Variants in PCDHA6 observed in about 807,000 individuals in gnomAD.
PCDHA6 encodes the protein protocadherin alpha 6, also known as protocadherin alpha-6.
A neutral mutation model predicts 60.3 loss-of-function variants in PCDHA6; 55 were observed. The ratio of observed to expected loss-of-function variants is 0.91; its 90% CI spans 0.73 to 1.14. The LOEUF (loss-of-function observed/expected upper bound fraction) is 1.14, where lower values mean the gene tolerates loss of function less well. Ranked by LOEUF, PCDHA6 falls within the 50% of genes most tolerant of loss-of-function variation. The probability of loss-of-function intolerance (pLI) is 0.00; values close to 1 mark genes in which losing one functional copy is unlikely to be tolerated. For missense variants in PCDHA6, 1,327 were observed against 1,256.5 expected (o/e 1.06, Z -0.85); for synonymous variants, 652 against 557.9 (o/e 1.17, Z -2.38).
intron 1 of PCDHA6, among the ~76,000 whole-genome samples, chr5:140,894,577 T>A (rs1409232453): frequency 4.6e-5 from 7 of 152,030 alleles, no homozygotes; most frequent in African/African-American, 9.6e-5. Flanking sequence ...TCCTTTTTTT[T>A]AATATTTTAC....
chr5:140,999,885 G>A (rs1250861955), intron 3 of PCDHA6, among the ~76,000 whole-genome samples: 1 of 152,200 alleles, frequency 6.6e-6, no homozygotes, highest in Non-Finnish European at 1.5e-5. Context: ...TAGCCCAGCT[G>A]TAGCTTGGGA....
chr5:140,892,310 A>T (rs1346325979), intron 1 of PCDHA6, among the ~76,000 whole-genome samples: 1 of 152,230 alleles, frequency 6.6e-6, no homozygotes, highest in African/African-American at 2.4e-5. Flanking sequence ...TTTGGGGCTT[A>T]TAACATTTTC....
At chr5:140,987,949 A>G (rs1251112253) in intron 3 of PCDHA6, among the ~76,000 whole-genome samples, 1 of 152,162 alleles carries the variant, frequency 6.6e-6, no homozygotes, top group Non-Finnish European at 1.5e-5. Context: ...CTGTCTGACA[A>G]AACCAACTCC....
intron 3 of PCDHA6, among the ~76,000 whole-genome samples, chr5:140,985,001 G>A (rs1554246727): frequency 1.3e-5 from 2 of 151,944 alleles, no homozygotes; most frequent in South Asian, 2.1e-4. Flanking sequence ...CCAGTGGCAC[G>A]ATATCGGCTC....
chr5:140,893,040 C>A (rs1554185508), intron 1 of PCDHA6, among the ~76,000 whole-genome samples: 1 of 152,226 alleles, frequency 6.6e-6, no homozygotes, highest in African/African-American at 2.4e-5. Flanking sequence ...AACATATGCC[C>A]TCCAGGCTCA....
chr5:141,002,261 C>A (rs373363788), intron 3 of PCDHA6, among the ~76,000 whole-genome samples: 1 of 152,224 alleles, frequency 6.6e-6, no homozygotes, highest in East Asian at 1.9e-4. Context: ...CACTGAAATC[C>A]CAGAGCTGGT....
Position 140,883,404 on chromosome 5 carries a change from C to G in PCDHA6, c.2394+52919C>G, listed in dbSNP as rs199942713. On this transcript the variant is annotated intron_variant, in intron 1 of 3. Transcript: ENST00000529310. ...CTAATCAGTGTGTCCGATCGTGACT[C>G]TGGCTCAAATGGACAGGTCACCTGC... 3 of 1,614,104 alleles carry G rather than the reference C, an allele frequency of 1.9e-6. No homozygotes were observed. The African/African-American group carries it at 4.0e-5, about 22-fold the overall frequency.
rs2150474836 is a variant in PCDHA6 at position 140,850,234 on chromosome 5, T to C, written c.2394+19749T>C. ...GGCACTGACGGCGCAGTGAGCGAGA[T>C]GGTGCTGCGGTCGGTGGGCGCCGGC... On this transcript the variant is annotated intron_variant, in intron 1 of 3. Transcript: ENST00000529310. The C allele has an allele frequency of 3.1e-6, 5 of 1,593,808 alleles. 1 individual carries two copies. The highest frequency in any genetic ancestry group is 4.3e-6 in the Non-Finnish European group (5 of 1,167,454).
chr5:140,979,147 C>A (rs2096836802), intron 2 of PCDHA6, 140 bp downstream of exon 2: 2 of 1,442,248 alleles, frequency 1.4e-6, no homozygotes, highest in African/African-American at 2.9e-5. Flanking sequence ...ATTATTTTGT[C>A]CCCATGTTTA....
chr5:140,909,545 C>T (rs2074570694), intron 1 of PCDHA6, among the ~76,000 whole-genome samples: 2 of 152,142 alleles, frequency 1.3e-5, no homozygotes, highest in African/African-American at 4.8e-5. Context: ...TTGATGGTGG[C>T]ACTAATCTCT....
chr5:140,896,188 G>C (rs1554186861), intron 1 of PCDHA6, among the ~76,000 whole-genome samples: 1 of 152,132 alleles, frequency 6.6e-6, no homozygotes, highest in Non-Finnish European at 1.5e-5. Context: ...ATTGTGAATA[G>C]TGCCATGATG....
intron 1 of PCDHA6, chr5:140,858,024 C>G: frequency 6.3e-7 from 1 of 1,596,700 alleles, no homozygotes; most frequent in Non-Finnish European, 8.6e-7. Context: ...CCGTCGCTGA[C>G]GGCCACGGCC....
At chr5:140,885,685 A>G (rs2060694021) in intron 1 of PCDHA6, among the ~76,000 whole-genome samples, 1 of 152,198 alleles carries the variant, frequency 6.6e-6, no homozygotes, top group African/African-American at 2.4e-5. Flanking sequence ...TATCTCAAGA[A>G]GCAATAGTGG....
intron 1 of PCDHA6, chr5:140,884,185 G>T (rs1554181312): frequency 6.2e-7 from 1 of 1,613,444 alleles, no homozygotes. Context: ...CTCTGGACGA[G>T]GTGGACGCGC....
At chr5:141,007,980 A>G (rs533342900) in intron 3 of PCDHA6, among the ~76,000 whole-genome samples, 1 of 152,338 alleles carries the variant, frequency 6.6e-6, no homozygotes, top group East Asian at 1.9e-4. Context: ...TGTCATGTAT[A>G]TATGAAATGT....
In PCDHA6 at chr5:140,968,377, T is replaced by C. The variant is rs1461765123; in HGVS notation, c.2395-10572T>C. 2.5e-6 allele frequency: 4 copies of C among 1,613,962 alleles called. No individual in the cohort carries two copies. In the African/African-American group the frequency reaches 4.0e-5, roughly 16 times the overall value. ...GCAGCCTTTATGCTGTCAACTCCTT[T>C]GACTATGAGAAGTTTCGGGAGTTCT... On this transcript the variant is annotated intron_variant, in intron 1 of 3. Transcript: ENST00000529310.
rs782552456 is a variant in PCDHA6, at chr5:140,870,511, G to T, written c.2394+40026G>T. On this transcript the variant is annotated intron_variant, in intron 1 of 3. Transcript: ENST00000529310. ...GTTCGTGAAGGAGAACAACCCACCA[G>T]GCTGCCACATCTTCACAGTGTCGGC... 9.9e-6 allele frequency: 16 copies of T among 1,614,242 alleles called. No homozygotes were observed. The highest frequency in any genetic ancestry group is 1.3e-5 in the Non-Finnish European group (15 of 1,180,048).
At chr5:140,958,547 A>C (rs528303266) in intron 1 of PCDHA6, among the ~76,000 whole-genome samples, 3 of 152,308 alleles carry the variant, frequency 2.0e-5, no homozygotes, top group East Asian at 3.9e-4. Flanking sequence ...TTTATGAACC[A>C]ATAAATGTTT....
intron 1 of PCDHA6, chr5:140,875,619 T>G (rs369772491): frequency 7.7e-5 from 125 of 1,613,602 alleles, no homozygotes; most frequent in African/African-American, 7.5e-4. Flanking sequence ...GCCGCATCGC[T>G]CAGGACCTGG....
Sources: gnomAD v4.1 joint callset for allele counts (sites outside exome capture counted in the v4.1 genomes callset) on GRCh38, gnomAD v4.1.1 for gene constraint, MANE v1.5 for transcripts, NCBI Gene and HGNC (gene_info 2026-07-23, HGNC 2026-07-21) for gene names.